TTC27: variants seen among roughly 807,000 people sequenced by gnomAD.
The protein encoded by TTC27 is tetratricopeptide repeat domain 27.
In TTC27, 79 loss-of-function variants were observed where a neutral mutation model predicts 115.9. That is an observed-to-expected ratio of 0.68 (90% CI 0.57 to 0.82). TTC27 has a LOEUF of 0.82. Ranked by LOEUF, TTC27 falls within the 40% of genes least tolerant of loss-of-function variation. The pLI is 0.00. For missense variants in TTC27, 1,054 were observed against 993.1 expected (o/e 1.06, Z -0.82); for synonymous variants, 401 against 356.0 (o/e 1.13, Z -1.42).
intron 5 of TTC27, among the ~76,000 whole-genome samples, chr2:32,653,758 G>C (rs1257483958): frequency 1.3e-5 from 2 of 152,140 alleles, no homozygotes; most frequent in East Asian, 3.8e-4. Context: ...TTTTAGCATA[G>C]CATTTAAATA....
intron 7 of TTC27, among the ~76,000 whole-genome samples, chr2:32,668,484 CG>C (rs1453144881): frequency 1.3e-5 from 2 of 150,052 alleles, no homozygotes; most frequent in Admixed American, 6.6e-5. Flanking sequence ...GAATTTTAAT[CG>C]TTTTTTTGCT....
chr2:32,764,479 C>T (rs1669556540), intron 13 of TTC27, among the ~76,000 whole-genome samples: 1 of 152,154 alleles, frequency 6.6e-6, no homozygotes, highest in Non-Finnish European at 1.5e-5. Flanking sequence ...TCTGAGCCTT[C>T]AGTGAGTTAT....
In TTC27 at chr2:32,694,243, A is replaced by T. The variant is rs900759840; in HGVS notation, c.1120-8564A>T. ...CATGTAGTATTTTATATCTTCATAAAAATGTGTCCTTTGGGAGAAATAAAT... is the reference window on the plus strand; with the variant it reads ...CATGTAGTATTTTATATCTTCATAATAATGTGTCCTTTGGGAGAAATAAAT... On this transcript the variant is annotated intron_variant, in intron 9 of 19. Coordinates refer to ENST00000317907, the MANE Select transcript of TTC27 (RefSeq NM_017735.5). 1.3e-5 allele frequency among the ~76,000 whole-genome samples: 2 copies of T among 152,250 alleles called. 1 individual carries two copies. Among genetic ancestry groups the T allele is most frequent in the Non-Finnish European group, 2.9e-5 (2 of 68,050 alleles).
At chr2:32,750,888 G>A (rs943828853) in intron 12 of TTC27, among the ~76,000 whole-genome samples, 1 of 152,186 alleles carries the variant, frequency 6.6e-6, no homozygotes, top group African/African-American at 2.4e-5. Flanking sequence ...TGGCACAGAA[G>A]TTTTTTAAAT....
chr2:32,654,083 A>G (rs548098123), intron 5 of TTC27, among the ~76,000 whole-genome samples: 137 of 152,334 alleles, frequency 9.0e-4, no homozygotes, highest in African/African-American at 3.2e-3. Flanking sequence ...TAGTTTGGAA[A>G]GGCCCTTTAG....
chr2:32,687,419 A>G (rs1666670538), intron 9 of TTC27, among the ~76,000 whole-genome samples: 1 of 152,218 alleles, frequency 6.6e-6, no homozygotes, highest in African/African-American at 2.4e-5. Flanking sequence ...TGGAACAACA[A>G]CAAAAAAGGG....
intron 3 of TTC27, chr2:32,635,133 C>T (rs2151859930): frequency 6.6e-6 from 1 of 152,254 alleles, no homozygotes; most frequent in Non-Finnish European, 1.5e-5. Flanking sequence ...GCCAATAGAG[C>T]TTGCAGTTTG....
intron 13 of TTC27, among the ~76,000 whole-genome samples, chr2:32,770,697 T>C (rs10179489): frequency 0.82 from 125,114 of 152,200 alleles, 51,483 homozygotes; most frequent in Middle Eastern, 0.9. Flanking sequence ...CAGACTTCTA[T>C]GATACAGTAC....
At chr2:32,630,731 A>T in intron 2 of TTC27, 31 bp downstream of exon 2, 1 of 1,583,708 alleles carries the variant, frequency 6.3e-7, no homozygotes, top group Non-Finnish European at 8.6e-7. Flanking sequence ...TTCATAGAGG[A>T]ACAGAGCAAA....
At chr2:32,717,725 G>A (rs187794593) in intron 10 of TTC27, among the ~76,000 whole-genome samples, 86 of 152,090 alleles carry the variant, frequency 5.7e-4, no homozygotes, top group African/African-American at 1.9e-3. Flanking sequence ...CCTCAATATC[G>A]TCTGTCATCC....
In TTC27 at chr2:32,787,084, T is replaced by A; in HGVS notation, c.1933T>A (p.Phe645Ile). The A allele has an allele frequency of 6.2e-7, 1 of 1,614,112 alleles. No homozygotes were observed. Among genetic ancestry groups the A allele is most frequent in the Non-Finnish European group, 8.5e-7 (1 of 1,180,006 alleles). The change falls in exon 16 of 20, where the codon TTT (phenylalanine) becomes ATT (isoleucine). Residue 645 changes from phenylalanine to isoleucine, a missense_variant. By Grantham distance (21) the Phe-to-Ile change is conservative. Transcript: ENST00000317907. ...YILTSTDVGEFSEAIKAYHRL... is the reference protein window; with the variant it reads ...YILTSTDVGEISEAIKAYHRL... Reference sequence around the variant, plus strand: ...CCTCACCAGCACTGACGTTGGGGAATTTTCAGAAGCCATTAAAGCTTATCA... The same window carrying A: ...CCTCACCAGCACTGACGTTGGGGAAATTTCAGAAGCCATTAAAGCTTATCA...
At chr2:32,789,398 GTT>G (rs142722011) in intron 16 of TTC27, among the ~76,000 whole-genome samples, 304 of 152,268 alleles carry the variant, frequency 2.0e-3, no homozygotes, top group African/African-American at 6.9e-3. Flanking sequence ...TCTTGCTAAT[GTT>G]TAGATGATAC....
intron 12 of TTC27, among the ~76,000 whole-genome samples, chr2:32,748,895 C>A (rs1668917897): frequency 6.6e-6 from 1 of 151,934 alleles, no homozygotes; most frequent in African/African-American, 2.4e-5. Context: ...ACCATGTTGG[C>A]CAGACTGGTC....
chr2:32,646,816 G>A lies in TTC27; in HGVS notation c.538-3315G>A, dbSNP rs1187817641. ...CTGACCTTGTGATCCGCCTGCCTCA[G>A]CCTCCCAAAGTGCTGAGATTACAGG... On this transcript the variant is annotated intron_variant, in intron 4 of 19. Transcript: ENST00000317907. Among the ~76,000 whole-genome samples the A allele has an allele frequency of 7.2e-5, 11 of 151,832 alleles. No individual in the cohort carries two copies. The East Asian group carries it at 1.9e-3, about 27-fold the overall frequency.
At chr2:32,646,380 GC>G (rs1559185457) in intron 4 of TTC27, among the ~76,000 whole-genome samples, 1 of 151,874 alleles carries the variant, frequency 6.6e-6, no homozygotes, top group Non-Finnish European at 1.5e-5. Context: ...CATTGCCCAG[GC>G]TTGTCTGAAA....
chr2:32,652,919 G>T (rs1489572939), intron 5 of TTC27, among the ~76,000 whole-genome samples: 1 of 152,012 alleles, frequency 6.6e-6, no homozygotes, highest in Non-Finnish European at 1.5e-5. Flanking sequence ...TTTTTGTCCA[G>T]GCGTGTTACA....
intron 16 of TTC27, among the ~76,000 whole-genome samples, chr2:32,793,371 C>G (rs1472220856): frequency 6.6e-6 from 1 of 152,132 alleles, no homozygotes; most frequent in Non-Finnish European, 1.5e-5. Flanking sequence ...TTCATTACCA[C>G]TAGAACTGCC....
chr2:32,710,812 G>A (rs1572538092), intron 10 of TTC27, among the ~76,000 whole-genome samples: 1 of 151,800 alleles, frequency 6.6e-6, no homozygotes, highest in Admixed American at 6.6e-5. Context: ...TTTTGAGTGG[G>A]AAACATAGAT....
At chr2:32,715,865 T>G (rs1559219282) in intron 10 of TTC27, among the ~76,000 whole-genome samples, 1 of 151,640 alleles carries the variant, frequency 6.6e-6, no homozygotes, top group Non-Finnish European at 1.5e-5. Context: ...CCTTTATGTT[T>G]GTTTTTTTTT....
Sources: allele counts gnomAD v4.1 joint callset (sites outside exome capture counted in the v4.1 genomes callset), GRCh38; gene constraint gnomAD v4.1.1; transcripts MANE v1.5; gene names NCBI Gene and HGNC (gene_info 2026-07-23, HGNC 2026-07-21).